MCF2L2: variants seen among roughly 807,000 people sequenced by gnomAD.
MCF2L2 encodes the protein probable guanine nucleotide exchange factor MCF2L2.
Under a neutral mutation model 150.2 loss-of-function variants are expected in MCF2L2, and 102 were observed. The ratio of observed to expected loss-of-function variants is 0.68; its 90% CI spans 0.58 to 0.80. MCF2L2 has a LOEUF of 0.80. Ranked by LOEUF, MCF2L2 falls within the 30% of genes least tolerant of loss-of-function variation. MCF2L2 has a pLI of 0.00. For missense variants in MCF2L2, 1,256 were observed against 1,372.8 expected, an observed-to-expected ratio of 0.91 and a Z score of 1.34; for synonymous variants, 465 against 491.3, an observed-to-expected ratio of 0.95 and a Z score of 0.71.
chr3:183,234,861 C>T (rs1723747168), intron 15 of MCF2L2, among the ~76,000 whole-genome samples: 1 of 117,172 alleles, frequency 8.5e-6, no homozygotes, highest in Non-Finnish European at 1.7e-5. Flanking sequence ...CCCGACCCCA[C>T]CACAGTCCCC....
intron 3 of MCF2L2, among the ~76,000 whole-genome samples, chr3:183,360,956 C>CAAAAGAAA (rs755085835): frequency 2.5e-4 from 22 of 88,452 alleles, no homozygotes; most frequent in African/African-American, 9.6e-4. Context: ...GAGTGAAACT[C>CAAAAGAAA]AGAAAAGAAA....
chr3:183,222,314 G>C (rs182603339), intron 20 of MCF2L2, among the ~76,000 whole-genome samples: 179 of 152,280 alleles, frequency 1.2e-3, no homozygotes, highest in Admixed American at 3.9e-3. Context: ...CACTTTGGGA[G>C]GCTGAGGTGG....
At position 183,355,853 on chromosome 3, in the gene MCF2L2, C is replaced by A. The variant is rs115609217; in HGVS notation, c.276-14223G>T. On this transcript the variant is annotated intron_variant, in intron 3 of 29. Transcript: ENST00000328913. ...AAGTCATGAAGCTAGGGGTGATGCCCCAGATTCTGCATTTCTGACAGGCTT... is the reference window on the plus strand; with the variant it reads ...AAGTCATGAAGCTAGGGGTGATGCCACAGATTCTGCATTTCTGACAGGCTT... Among the ~76,000 whole-genome samples the A allele has an allele frequency of 6.7e-3, 1,026 of 152,048 alleles. 13 individuals carry two copies. Among genetic ancestry groups the A allele is most frequent in the African/African-American group, 0.023 (970 of 41,464 alleles).
At chr3:183,396,317 A>T (rs565995228) in intron 1 of MCF2L2, among the ~76,000 whole-genome samples, 40 of 152,280 alleles carry the variant, frequency 2.6e-4, no homozygotes, top group African/African-American at 9.6e-4. Context: ...TGAACTGTGG[A>T]AGTGCTTAGA....
At chr3:183,330,129 C>T (rs1252446449) in intron 5 of MCF2L2, among the ~76,000 whole-genome samples, 1 of 149,452 alleles carries the variant, frequency 6.7e-6, no homozygotes, top group Admixed American at 6.7e-5. Context: ...CCTGTAGTCC[C>T]AGCTACTGAA....
At chr3:183,254,971 C>T (rs1232217435) in intron 15 of MCF2L2, among the ~76,000 whole-genome samples, 1 of 152,238 alleles carries the variant, frequency 6.6e-6, no homozygotes, top group Non-Finnish European at 1.5e-5. Flanking sequence ...TGACTACACC[C>T]TGTACATTCT....
At chr3:183,340,085 T>A (rs1242227992) in intron 4 of MCF2L2, among the ~76,000 whole-genome samples, 3 of 152,100 alleles carry the variant, frequency 2.0e-5, no homozygotes, top group African/African-American at 7.2e-5. Context: ...TATCCACAAC[T>A]AAACTAAAGG....
At chr3:183,232,280 G>A (rs538456028) in intron 15 of MCF2L2, among the ~76,000 whole-genome samples, 6 of 152,220 alleles carry the variant, frequency 3.9e-5, no homozygotes, top group Admixed American at 2.0e-4. Flanking sequence ...ACAACCACGC[G>A]AACTTAGAAG....
intron 12 of MCF2L2, chr3:183,296,667 C>A: frequency 4.1e-6 from 1 of 243,354 alleles, no homozygotes; most frequent in Non-Finnish European, 8.0e-6. Flanking sequence ...ACTGTAAGCT[C>A]AGTGAGGGAT....
intron 3 of MCF2L2, chr3:183,373,005 T>A (rs1023953796): frequency 2.0e-5 from 3 of 152,234 alleles, no homozygotes; most frequent in African/African-American, 4.8e-5. Context: ...TTCAGCTCCA[T>A]CTCTGTGGCT....
intron 16 of MCF2L2, 143 bp downstream of exon 16, chr3:183,230,808 C>G: frequency 1.6e-6 from 1 of 620,188 alleles, no homozygotes. Flanking sequence ...CTTATTCCTA[C>G]TGGAGACACT....
intron 21 of MCF2L2, among the ~76,000 whole-genome samples, chr3:183,219,609 T>TAAA (rs35673274): frequency 5.7e-4 from 84 of 147,106 alleles, no homozygotes; most frequent in African/African-American, 2.0e-3. Flanking sequence ...AGACTTTGTC[T>TAAA]AAAAAAAAAA....
chr3:183,276,747 GTATAGAGGA>G, intron 15 of MCF2L2, 116 bp downstream of exon 15: 1 of 644,442 alleles, frequency 1.6e-6, no homozygotes. Flanking sequence ...ATGAAGGTTA[GTATAGAGGA>G]TAAATATTAT....
intron 27 of MCF2L2, among the ~76,000 whole-genome samples, chr3:183,190,088 C>A (rs1222506163): frequency 6.6e-6 from 1 of 152,208 alleles, no homozygotes; most frequent in South Asian, 2.1e-4. Flanking sequence ...GACCCTGTTA[C>A]TTTCTCCCTT....
At chr3:183,333,499 G>A (rs1471504472) in intron 5 of MCF2L2, among the ~76,000 whole-genome samples, 5 of 152,146 alleles carry the variant, frequency 3.3e-5, no homozygotes, top group East Asian at 1.9e-4. Context: ...TGGAGATCCA[G>A]AAGGCAACCA....
At position 183,309,710 on chromosome 3, in the gene MCF2L2, G is replaced by T. The variant is rs1729273062; in HGVS notation, c.1113+6C>A. 1 of 1,613,974 alleles carries T rather than the reference G, an allele frequency of 6.2e-7. No homozygotes were observed. Among genetic ancestry groups the T allele is most frequent in the East Asian group, 2.2e-5 (1 of 44,864 alleles). Reference sequence around the variant, plus strand: ...TCCCAGTACACAAAAATGTCAGAAAGCAAACCTGGCTTTTTTCCTCCAGTT... The same window carrying T: ...TCCCAGTACACAAAAATGTCAGAAATCAAACCTGGCTTTTTTCCTCCAGTT... On this transcript the variant is annotated splice_donor_region_variant and intron_variant, in intron 10 of 29. Transcript: ENST00000328913.
chr3:183,311,033 T>C lies in MCF2L2; in HGVS notation c.879-4A>G, dbSNP rs767738054. 1.2e-5 allele frequency: 19 copies of C among 1,574,034 alleles called. No homozygotes were observed. In the African/African-American group the frequency reaches 2.0e-4, roughly 17 times the overall value. On this transcript the variant is annotated splice_region_variant and splice_polypyrimidine_tract_variant and intron_variant, in intron 8 of 29. Transcript: ENST00000328913. ...TTCATCCAGTTGAACTAATAACCTT[T>C]CAAGAAAGAATGAGAAAGTGATGTT... is the stretch of plus-strand genomic sequence containing the variant.
chr3:183,273,255 C>CT (rs1294362861), intron 15 of MCF2L2: 10 of 365,486 alleles, frequency 2.7e-5, no homozygotes, highest in African/African-American at 1.7e-4. Flanking sequence ...TGGTTTGCAT[C>CT]TTTTTTCCAT....
At chr3:183,420,731 G>C (rs1318860282) in intron 1 of MCF2L2, among the ~76,000 whole-genome samples, 1 of 152,214 alleles carries the variant, frequency 6.6e-6, no homozygotes, top group Non-Finnish European at 1.5e-5. Context: ...GGGGAAGTAA[G>C]GCACATCTTC....
Sources: gnomAD v4.1 joint callset for allele counts (sites outside exome capture counted in the v4.1 genomes callset) on GRCh38, gnomAD v4.1.1 for gene constraint, MANE v1.5 for transcripts, NCBI Gene and HGNC (gene_info 2026-07-23, HGNC 2026-07-21) for gene names.